CFAP92: variants seen among roughly 807,000 people sequenced by gnomAD.
CFAP92 encodes cilia and flagella associated protein 92 (putative), also known as uncharacterized protein CFAP92.
CFAP92 carries 86 observed loss-of-function variants against 106.3 expected under a neutral mutation model. The ratio of observed to expected loss-of-function variants is 0.81; its 90% CI spans 0.68 to 0.97. The LOEUF (loss-of-function observed/expected upper bound fraction) is 0.97. Ranked by LOEUF, CFAP92 falls within the 50% of genes least tolerant of loss-of-function variation. CFAP92 has a pLI of 0.00. For synonymous variants in CFAP92, 477 were observed against 506.4 expected (o/e 0.94, Z 0.78); for missense variants, 1,204 against 1,283.8 (o/e 0.94, Z 0.95).
rs200304794 is a variant in CFAP92, at chr3:128,910,831, G to C, written c.3281-498C>G. On this transcript the variant is annotated intron_variant, in intron 15 of 15. Transcript: ENST00000645291. ...GGACAAGTGTGAGTGGCATGTCTTG[G>C]GGGAGGGAAGGAAGGGCCCACTTCT... 34 of 1,613,908 alleles carry C rather than the reference G, an allele frequency of 2.1e-5. No homozygotes were observed. The African/African-American group carries it at 4.0e-4, about 19-fold the overall frequency.
intron 3 of CFAP92, among the ~76,000 whole-genome samples, chr3:128,988,502 T>C (rs1409455112): frequency 6.6e-6 from 1 of 151,858 alleles, no homozygotes; most frequent in East Asian, 1.9e-4. Flanking sequence ...ATTGCACCAC[T>C]CTACTCCAGC....
At chr3:129,002,165 G>A in intron 1 of CFAP92, 2 of 1,472,042 alleles carry the variant, frequency 1.4e-6, no homozygotes, top group Non-Finnish European at 1.8e-6. Context: ...TGCGCCGTCC[G>A]CGCCGCCGCC....
At chr3:128,933,530 G>A (rs542296984) in intron 11 of CFAP92, among the ~76,000 whole-genome samples, 1 of 152,312 alleles carries the variant, frequency 6.6e-6, no homozygotes, top group East Asian at 1.9e-4. Context: ...CTCAGTCATG[G>A]CTGTTGGCGG....
intron 14 of CFAP92, 41 bp from the exon 15 acceptor site, chr3:128,915,316 C>T (rs1273218569): frequency 6.5e-7 from 1 of 1,535,944 alleles, no homozygotes; most frequent in Non-Finnish European, 8.7e-7. Flanking sequence ...AGAAAGGTCC[C>T]TATGGACACC....
chr3:128,994,344 C>G (rs537669654), upstream of CFAP92, among the ~76,000 whole-genome samples: 195 of 152,356 alleles, frequency 1.3e-3, no homozygotes, highest in Middle Eastern at 6.8e-3. Flanking sequence ...CTTGCCCGTA[C>G]GATGGGAGGT....
At chr3:128,969,334 C>T (rs1576571836) in intron 8 of CFAP92, 1 of 152,226 alleles carries the variant, frequency 6.6e-6, no homozygotes, top group Non-Finnish European at 1.5e-5. Flanking sequence ...GGTCTCTTCA[C>T]ACGGACATGT....
intron 4 of CFAP92, among the ~76,000 whole-genome samples, chr3:128,981,017 C>A (rs1201548823): frequency 6.6e-6 from 1 of 151,580 alleles, no homozygotes. Flanking sequence ...ATGGGGAATC[C>A]TTTCCGGAAG....
intron 4 of CFAP92, among the ~76,000 whole-genome samples, chr3:128,985,789 C>T (rs1191377800): frequency 6.6e-6 from 1 of 152,176 alleles, no homozygotes; most frequent in Non-Finnish European, 1.5e-5. Context: ...ATCCCATTTT[C>T]TCACACTGGA....
chr3:128,948,141 T>C (rs1236630534), intron 9 of CFAP92, among the ~76,000 whole-genome samples: 1 of 152,032 alleles, frequency 6.6e-6, no homozygotes, highest in African/African-American at 2.4e-5. Flanking sequence ...GCAAATAATA[T>C]ATCCAACAAC....
At chr3:128,969,766 C>CAAAGGCGTT (rs1942647182) in intron 8 of CFAP92, 2 of 152,302 alleles carry the variant, frequency 1.3e-5, no homozygotes. Context: ...AAGCAGCTAG[C>CAAAGGCGTT]AAAGGCGTTC....
At chr3:128,914,631 GA>G (rs1936657186) in intron 15 of CFAP92, 3 of 154,344 alleles carry the variant, frequency 1.9e-5, no homozygotes, top group Admixed American at 1.9e-4. Flanking sequence ...CATAAACAGG[GA>G]TAAAGAGGAA....
At chr3:128,937,420 G>A (rs1939151425) in intron 10 of CFAP92, among the ~76,000 whole-genome samples, 1 of 151,926 alleles carries the variant, frequency 6.6e-6, no homozygotes, top group African/African-American at 2.4e-5. Flanking sequence ...AGACCAAGGT[G>A]AAACCCCGTC....
intron 12 of CFAP92, among the ~76,000 whole-genome samples, chr3:128,930,949 A>C: frequency 6.6e-6 from 1 of 151,774 alleles, no homozygotes; most frequent in Non-Finnish European, 1.5e-5. Context: ...TGTTGCTCTG[A>C]GTGCTGGAAT....
At chr3:128,933,320 G>A (rs1220448989) in intron 11 of CFAP92, among the ~76,000 whole-genome samples, 2 of 152,204 alleles carry the variant, frequency 1.3e-5, no homozygotes, top group Non-Finnish European at 2.9e-5. Flanking sequence ...TGCCCATCAG[G>A]GATGTAGAGC....
chr3:128,919,998 T>G (rs1937137876), intron 12 of CFAP92, among the ~76,000 whole-genome samples: 1 of 152,006 alleles, frequency 6.6e-6, no homozygotes, highest in African/African-American at 2.4e-5. Context: ...TCTTTACCAT[T>G]TAACAAAAAA....
intron 4 of CFAP92, among the ~76,000 whole-genome samples, chr3:128,982,740 T>G (rs558854979): frequency 9.9e-4 from 151 of 152,308 alleles, no homozygotes; most frequent in South Asian, 6.4e-3. Flanking sequence ...TTAATTGACC[T>G]AATTTTGGTA....
At chr3:128,999,582 A>C (rs1576674351) in intron 1 of CFAP92, among the ~76,000 whole-genome samples, 1 of 122,360 alleles carries the variant, frequency 8.2e-6, no homozygotes, top group Non-Finnish European at 1.6e-5. Flanking sequence ...TCTGTCGCCC[A>C]GGCTGGAGTG....
At position 128,924,069 on chromosome 3, in the gene CFAP92, G is replaced by A. The variant is rs371655883; in HGVS notation, c.2752-7798C>T. On this transcript the variant is annotated intron_variant, in intron 12 of 15. Coordinates refer to ENST00000645291, the MANE Select transcript of CFAP92 (RefSeq NM_001394090.1). Reference sequence around the variant, plus strand: ...CACCTCGGGAGAGACAGCTGCCGTCGAGAACAAGCTATGATAGCTGTGGCG... The same window carrying A: ...CACCTCGGGAGAGACAGCTGCCGTCAAGAACAAGCTATGATAGCTGTGGCG... Among the ~76,000 whole-genome samples the A allele has an allele frequency of 6.6e-5, 10 of 152,278 alleles. 1 individual carries two copies. Among genetic ancestry groups the A allele is most frequent in the African/African-American group, 2.2e-4 (9 of 41,550 alleles).
At chr3:128,918,741 G>T (rs1937021769) in intron 12 of CFAP92, among the ~76,000 whole-genome samples, 1 of 152,136 alleles carries the variant, frequency 6.6e-6, no homozygotes, top group South Asian at 2.1e-4. Context: ...TTAATGTTCA[G>T]TAGGAATGCC....
Sources: gnomAD v4.1 joint callset for allele counts (sites outside exome capture counted in the v4.1 genomes callset) on GRCh38, gnomAD v4.1.1 for gene constraint, MANE v1.5 for transcripts, NCBI Gene and HGNC (gene_info 2026-07-23, HGNC 2026-07-21) for gene names.